Variants in KIF26A observed in about 807,000 individuals in gnomAD.
The protein encoded by KIF26A is kinesin family member 26A.
A neutral mutation model predicts 126.0 loss-of-function variants in KIF26A; 74 were observed. That is an observed-to-expected ratio of 0.59 (90% CI 0.49 to 0.71). KIF26A has a LOEUF of 0.71. Ranked by LOEUF, KIF26A falls within the 30% of genes least tolerant of loss-of-function variation. The pLI is 0.00. For missense variants in KIF26A, 2,984 were observed against 2,763.3 expected, an observed-to-expected ratio of 1.08 and a Z score of -1.79; for synonymous variants, 1,445 against 1,232.7, an observed-to-expected ratio of 1.17 and a Z score of -3.61.
intron 2 of KIF26A, among the ~76,000 whole-genome samples, chr14:104,150,235 C>A (rs981180517): frequency 2.7e-5 from 4 of 146,370 alleles, no homozygotes; most frequent in Admixed American, 1.3e-4. Flanking sequence ...CCCCCTCCTC[C>A]TTCTCTGCAG....
rs769899180 is a variant in KIF26A at position 104,177,098 on chromosome 14, C to T, written c.4310C>T (p.Ser1437Phe). 22 of 1,597,160 alleles carry T rather than the reference C, an allele frequency of 1.4e-5. No homozygotes were observed. The highest frequency in any genetic ancestry group is 1.9e-5 in the Non-Finnish European group (22 of 1,179,288). Residue 1437 changes from serine to phenylalanine, a missense_variant, in exon 12 of 15, where the codon TCT becomes TTT. Transcript: ENST00000423312. ...GCACACCGTCTTGCCGGACACGCGTCTCTGGAGCGGTACGAAGGCCTGGCG... is the reference window on the plus strand; with the variant it reads ...GCACACCGTCTTGCCGGACACGCGTTTCTGGAGCGGTACGAAGGCCTGGCG... ...EAAHRLAGHA[S>F]LERYEGLAHS...
rs2038075038 is a variant in KIF26A, at chr14:104,179,373, C to T, written c.5454C>T (p.Arg1818=). 6.6e-7 allele frequency: 1 copy of T among 1,525,906 alleles called. No homozygotes were observed. Among genetic ancestry groups the T allele is most frequent in the Non-Finnish European group, 8.8e-7 (1 of 1,140,420 alleles). 94.5% of individuals were successfully genotyped at this position (1,525,906 alleles called of 1,614,324 possible). The part of the protein sequence containing the change: ...TQGRLMLEPG[R]WLEQFEVDPE... The stretch of plus-strand genomic sequence containing the variant: ...GCCGGCTGATGCTGGAGCCTGGCCG[C>T]TGGCTGGAGCAGTGTGAGTCCCGCC... The change falls in exon 14 of 15, where the codon CGC becomes CGT. Residue 1818 remains arginine (R), a synonymous_variant. Transcript: ENST00000423312.
intron 5 of KIF26A, among the ~76,000 whole-genome samples, chr14:104,168,867 G>C (rs2037931437): frequency 6.6e-6 from 1 of 152,138 alleles, no homozygotes; most frequent in Non-Finnish European, 1.5e-5. Flanking sequence ...AGGCGGGGGT[G>C]GTGGGTGAAG....
chr14:104,165,625 ATGTGTGTGTCTGTGTTTCTGTATGCATG>A (rs2037886475), intron 4 of KIF26A, among the ~76,000 whole-genome samples: 1 of 130,274 alleles, frequency 7.7e-6, no homozygotes, highest in East Asian at 2.1e-4. Flanking sequence ...CTCTGTATGC[ATGTGTGTGTCTGTGTTTCTGTATGCATG>A]TGTGTGTATC....
In KIF26A at chr14:104,139,132, A is replaced by G. The variant is rs982440448; in HGVS notation, c.132A>G (p.Pro44=). The change falls in exon 2 of 15, where the codon CCA becomes CCG. Residue 44 remains proline, a synonymous_variant. Coordinates refer to ENST00000423312, the MANE Select transcript of KIF26A (RefSeq NM_015656.2). ...KRLPAGPDQD[P]CGSRPAPEGA... ...TACCCGCCGGGCCCGACCAGGACCC[A>G]TGCGGCAGCCGCCCTGCTCCCGAAG... 1.5e-5 allele frequency: 23 copies of G among 1,510,560 alleles called. No homozygotes were observed. The highest frequency in any genetic ancestry group is 2.2e-4 in the Middle Eastern group (1 of 4,598). The allele number at this position is 1,510,560 out of a possible 1,614,324, so 93.6% of individuals were successfully genotyped here.
chr14:104,179,295 G>A lies in KIF26A; in HGVS notation c.5376G>A (p.Arg1792=). 2.0e-6 allele frequency: 3 copies of A among 1,536,206 alleles called. No homozygotes were observed. The highest frequency in any genetic ancestry group is 2.6e-6 in the Non-Finnish European group (3 of 1,144,924). ...RLAERRQQRL[R]EVQAKHKHLC... is the part of the protein sequence containing the mutation. ...CGGAGCGCAGGCAGCAGCGGCTGCG[G>A]GAGGTGCAGGCCAAGCACAAGCACC... Residue 1792 remains arginine, a synonymous_variant, in exon 14 of 15, where the codon CGG becomes CGA. Transcript: ENST00000423312.
At chr14:104,156,589 G>T (rs968234976) in intron 3 of KIF26A, among the ~76,000 whole-genome samples, 9 of 152,314 alleles carry the variant, frequency 5.9e-5, no homozygotes, top group South Asian at 2.1e-4. Flanking sequence ...CTGGAAGCTG[G>T]TACCGGCCAT....
chr14:104,140,370 A>G (rs1479859330), intron 2 of KIF26A, among the ~76,000 whole-genome samples: 1 of 151,814 alleles, frequency 6.6e-6, no homozygotes, highest in Non-Finnish European at 1.5e-5. Context: ...CCTTGGCCAT[A>G]CTCTGTGCCC....
intron 4 of KIF26A, among the ~76,000 whole-genome samples, chr14:104,163,448 G>A (rs556054834): frequency 2.0e-5 from 3 of 152,236 alleles, no homozygotes; most frequent in East Asian, 3.9e-4. Flanking sequence ...TTTGGGCGAC[G>A]AGGGCACAAG....
intron 2 of KIF26A, among the ~76,000 whole-genome samples, chr14:104,140,499 G>C (rs1051337983): frequency 6.6e-6 from 1 of 152,224 alleles, no homozygotes; most frequent in African/African-American, 2.4e-5. Flanking sequence ...CCAGAGACAG[G>C]AGGGGCATTA....
chr14:104,146,092 C>G (rs1170581321), intron 2 of KIF26A, among the ~76,000 whole-genome samples: 1 of 152,202 alleles, frequency 6.6e-6, no homozygotes, highest in African/African-American at 2.4e-5. Flanking sequence ...AGCTCTGCGA[C>G]CCTGGTGGTG....
intron 2 of KIF26A, among the ~76,000 whole-genome samples, chr14:104,150,209 T>C (rs189463483): frequency 0.23 from 18,013 of 79,044 alleles, 2,282 homozygotes; most frequent in Middle Eastern, 0.32. Context: ...CCCCACCCCC[T>C]CCTCCTCCTC....
chr14:104,156,329 A>G (rs2141098794), intron 3 of KIF26A, among the ~76,000 whole-genome samples: 1 of 152,308 alleles, frequency 6.6e-6, no homozygotes, highest in Non-Finnish European at 1.5e-5. Flanking sequence ...GGCTGGGTTC[A>G]GAGGGATGTA....
At chr14:104,174,577 G>T (rs892034212) in intron 11 of KIF26A, among the ~76,000 whole-genome samples, 4 of 152,124 alleles carry the variant, frequency 2.6e-5, no homozygotes, top group African/African-American at 9.7e-5. Flanking sequence ...TGCTGCCCCC[G>T]CACAGGCCCT....
chr14:104,147,107 C>T (rs1450915099), intron 2 of KIF26A, among the ~76,000 whole-genome samples: 2 of 152,114 alleles, frequency 1.3e-5, no homozygotes, highest in Non-Finnish European at 2.9e-5. Context: ...ATTGAGTGTG[C>T]AGGTGACCCC....
chr14:104,155,087 C>T (rs1032142677), intron 3 of KIF26A, among the ~76,000 whole-genome samples: 5 of 152,168 alleles, frequency 3.3e-5, no homozygotes, highest in African/African-American at 7.2e-5. Context: ...TGCAGGGTGG[C>T]GCACATCCAC....
chr14:104,176,521 C>T lies in KIF26A; in HGVS notation c.3733C>T (p.Leu1245Phe). 1 of 1,605,018 alleles carries T rather than the reference C, an allele frequency of 6.2e-7. No individual in the cohort carries two copies. Among genetic ancestry groups the T allele is most frequent in the African/African-American group, 1.3e-5 (1 of 75,060 alleles). Reference sequence around the variant, plus strand: ...AGGCCTGTTTGAGGACCCATGGCTGCTCCGGGTAGGGGAGTGTGATACCCA... The same window carrying T: ...AGGCCTGTTTGAGGACCCATGGCTGTTCCGGGTAGGGGAGTGTGATACCCA... ...RGGLFEDPWL[L>F]RVGECDTQAA... Residue 1245 changes from leucine to phenylalanine, a missense_variant, in exon 12 of 15, where the codon CTC becomes TTC. By Grantham distance (22) the Leu-to-Phe change is conservative. Coordinates refer to ENST00000423312, the MANE Select transcript of KIF26A (RefSeq NM_015656.2).
At chr14:104,145,241 A>G (rs2037670041) in intron 2 of KIF26A, among the ~76,000 whole-genome samples, 1 of 152,182 alleles carries the variant, frequency 6.6e-6, no homozygotes, top group African/African-American at 2.4e-5. Context: ...CCAGTGTCAC[A>G]GTGTCTCCGT....
At chr14:104,139,338 C>G in intron 2 of KIF26A, 50 bp downstream of exon 2, 1 of 1,385,886 alleles carries the variant, frequency 7.2e-7, no homozygotes, top group Non-Finnish European at 9.4e-7. Flanking sequence ...CCACGCCGAA[C>G]TTGGGTAGAA....
Sources: gnomAD v4.1 joint callset for allele counts (sites outside exome capture counted in the v4.1 genomes callset) on GRCh38, gnomAD v4.1.1 for gene constraint, MANE v1.5 for transcripts, NCBI Gene and HGNC (gene_info 2026-07-23, HGNC 2026-07-21) for gene names.